The following ATP10A variants were observed in gnomAD, a reference collection of about 807,000 sequenced individuals.
ATP10A encodes the protein ATPase phospholipid transporting 10A (putative).
ATP10A carries 111 observed loss-of-function variants against 147.8 expected under a neutral mutation model. That is an observed-to-expected ratio of 0.75 (90% confidence interval 0.64 to 0.88). The LOEUF (loss-of-function observed/expected upper bound fraction) is 0.88. Ranked by LOEUF, ATP10A falls within the 40% of genes least tolerant of loss-of-function variation. ATP10A has a pLI of 0.00. For missense variants in ATP10A, 1,927 were observed against 1,959.0 expected (o/e 0.98, Z 0.31); for synonymous variants, 875 against 841.6 (o/e 1.04, Z -0.69).
At chr15:25,773,718 C>G (rs1889458307) in intron 2 of ATP10A, among the ~76,000 whole-genome samples, 1 of 152,098 alleles carries the variant, frequency 6.6e-6, no homozygotes, top group African/African-American at 2.4e-5. Flanking sequence ...ATTTTGCTTT[C>G]TTCTTTGGAA....
intron 1 of ATP10A, among the ~76,000 whole-genome samples, chr15:25,790,415 C>A (rs189259063): frequency 6.6e-6 from 1 of 152,162 alleles, no homozygotes; most frequent in Non-Finnish European, 1.5e-5. Flanking sequence ...ATGAGTCAAG[C>A]TGAATGGAAA....
downstream of ATP10A, chr15:25,678,295 A>G (rs1899181308): frequency 6.6e-6 from 1 of 152,046 alleles, no homozygotes; most frequent in Admixed American, 6.6e-5. Context: ...GCATCCAAAG[A>G]GGCCCTAGGT....
chr15:25,760,782 G>T (rs576298551), intron 2 of ATP10A, among the ~76,000 whole-genome samples: 1 of 152,246 alleles, frequency 6.6e-6, no homozygotes, highest in South Asian at 2.1e-4. Context: ...GGAGCTTGAG[G>T]CTGCAGTGAG....
At chr15:25,775,846 GT>G (rs1183623881) in intron 2 of ATP10A, among the ~76,000 whole-genome samples, 1 of 152,222 alleles carries the variant, frequency 6.6e-6, no homozygotes. Flanking sequence ...CTCTCCAGCT[GT>G]TCTCAAGCAG....
In ATP10A at chr15:25,803,668, C is replaced by T. The variant is rs1015181790; in HGVS notation, c.450-22445G>A. Among the ~76,000 whole-genome samples, 3 of 151,782 alleles carry T rather than the reference C, an allele frequency of 2.0e-5. No homozygotes were observed. In the South Asian group the frequency reaches 6.2e-4, roughly 32 times the overall value. ...CCCAGGATCCAAGGCCTGTGGTCAT[C>T]CTGCTTGCACTTCCGGGACAGCCCA... On this transcript the variant is annotated intron_variant, in intron 1 of 20. Transcript: ENST00000555815.
intron 10 of ATP10A, among the ~76,000 whole-genome samples, chr15:25,711,069 C>T (rs1901386945): frequency 6.6e-6 from 1 of 152,064 alleles, no homozygotes; most frequent in Non-Finnish European, 1.5e-5. Context: ...AAGTGTAGAC[C>T]TGGGATTTGA....
chr15:25,703,354 C>G (rs1258047881), intron 12 of ATP10A, among the ~76,000 whole-genome samples: 1 of 152,006 alleles, frequency 6.6e-6, no homozygotes. Context: ...GACTCTGTCT[C>G]AAGAAATAAA....
At chr15:25,808,452 T>C (rs1891292464) in intron 1 of ATP10A, among the ~76,000 whole-genome samples, 1 of 152,230 alleles carries the variant, frequency 6.6e-6, no homozygotes, top group Non-Finnish European at 1.5e-5. Flanking sequence ...TGGCACAATC[T>C]CGGCTCACTG....
At chr15:25,823,298 G>C (rs542212255) in intron 1 of ATP10A, among the ~76,000 whole-genome samples, 1 of 152,226 alleles carries the variant, frequency 6.6e-6, no homozygotes, top group South Asian at 2.1e-4. Context: ...ACAGACAATT[G>C]TTCAACTCTT....
intron 1 of ATP10A, among the ~76,000 whole-genome samples, chr15:25,803,366 C>T (rs1891026274): frequency 6.6e-6 from 1 of 152,196 alleles, no homozygotes; most frequent in Non-Finnish European, 1.5e-5. Flanking sequence ...TACAGTGGGG[C>T]ACAGGGTGGG....
intron 1 of ATP10A, among the ~76,000 whole-genome samples, chr15:25,833,686 A>C (rs1892465867): frequency 6.6e-6 from 1 of 152,240 alleles, no homozygotes; most frequent in African/African-American, 2.4e-5. Flanking sequence ...AAGAACACTT[A>C]AAATCTACTC....
At chr15:25,785,468 T>G (rs1185304657) in intron 1 of ATP10A, among the ~76,000 whole-genome samples, 2 of 152,164 alleles carry the variant, frequency 1.3e-5, no homozygotes, top group Non-Finnish European at 2.9e-5. Flanking sequence ...ACCCCATCTG[T>G]GGTCCACTGC....
intron 1 of ATP10A, among the ~76,000 whole-genome samples, chr15:25,799,675 G>A (rs191616599): frequency 1.3e-5 from 2 of 152,128 alleles, no homozygotes; most frequent in East Asian, 3.9e-4. Flanking sequence ...CGCGGCTGCA[G>A]TGAGCTGTGA....
intron 1 of ATP10A, among the ~76,000 whole-genome samples, chr15:25,857,708 T>G (rs1307499438): frequency 6.6e-6 from 1 of 152,152 alleles, no homozygotes; most frequent in Non-Finnish European, 1.5e-5. Context: ...ATGTGAAATT[T>G]TCTAGAATAA....
At chr15:25,690,656 G>A (rs1899976481) in intron 15 of ATP10A, among the ~76,000 whole-genome samples, 1 of 152,112 alleles carries the variant, frequency 6.6e-6, no homozygotes, top group African/African-American at 2.4e-5. Flanking sequence ...CCATATAAGT[G>A]GACTCAAACA....
At chr15:25,675,780 T>C (rs1204982402), downstream of ATP10A, among the ~76,000 whole-genome samples, 2 of 152,078 alleles carry the variant, frequency 1.3e-5, no homozygotes, top group Non-Finnish European at 2.9e-5. Context: ...AGCCCATCTA[T>C]ACAAAAAATA....
intron 9 of ATP10A, 140 bp from the exon 10 acceptor site, chr15:25,714,381 C>T (rs1901649463): frequency 2.8e-6 from 2 of 724,400 alleles, no homozygotes; most frequent in Non-Finnish European, 2.3e-6. Flanking sequence ...GCACAGATTT[C>T]CCATTTCCCA....
At chr15:25,797,642 C>G (rs1459670107) in intron 1 of ATP10A, among the ~76,000 whole-genome samples, 1 of 152,304 alleles carries the variant, frequency 6.6e-6, no homozygotes, top group East Asian at 1.9e-4. Flanking sequence ...TGGGCCCCTC[C>G]TCGGGGGACA....
Position 25,862,726 on chromosome 15 carries a change from A to G in ATP10A, c.371T>C (p.Phe124Ser). Residue 124 changes from phenylalanine (F) to serine (S), a missense_variant, in exon 1 of 21, where the codon TTC becomes TCC. Transcript: ENST00000555815. ...GCTGTAGTCCTCCCACAGGTCCCTG[A>G]AGGCCGTGATGGCCAGGATGAAGAG... ...PVLFILAITA[F>S]RDLWEDYSRH... 1.2e-6 allele frequency: 2 copies of G among 1,612,322 alleles called. No homozygotes were observed. The highest frequency in any genetic ancestry group is 1.7e-6 in the Non-Finnish European group (2 of 1,179,382).
Sources: allele counts gnomAD v4.1 joint callset (sites outside exome capture counted in the v4.1 genomes callset), GRCh38; gene constraint gnomAD v4.1.1; transcripts MANE v1.5; gene names NCBI Gene and HGNC (gene_info 2026-07-23, HGNC 2026-07-21).